The following BPTF variants were observed in gnomAD, a reference collection of about 807,000 sequenced individuals.
The protein encoded by BPTF is bromodomain PHD finger transcription factor.
In BPTF, 18 loss-of-function variants were observed where a neutral mutation model predicts 292.5. The observed-to-expected ratio is 0.06, with a 90% confidence interval of 0.04 to 0.09. The LOEUF (loss-of-function observed/expected upper bound fraction) is 0.09. BPTF is among the 10% of genes least tolerant of loss of function. The pLI is 1.00. For synonymous variants in BPTF, 1,225 were observed against 1,251.9 expected, an observed-to-expected ratio of 0.98 and a Z score of 0.45; for missense variants, 2,726 against 3,498.7, an observed-to-expected ratio of 0.78 and a Z score of 5.57.
intron 13 of BPTF, among the ~76,000 whole-genome samples, chr17:67,920,918 T>C (rs1035872036): frequency 5.9e-5 from 9 of 151,682 alleles, no homozygotes; most frequent in Admixed American, 5.9e-4. Context: ...GTAAGAAATA[T>C]ATAAAAGGCC....
chr17:67,958,671 G>C (rs1046243793), intron 23 of BPTF, among the ~76,000 whole-genome samples: 58 of 151,678 alleles, frequency 3.8e-4, no homozygotes, highest in Admixed American at 1.6e-3. Context: ...GGGGAGGTTG[G>C]AGTGCGCTGA....
intron 1 of BPTF, among the ~76,000 whole-genome samples, chr17:67,834,516 A>G (rs1226387694): frequency 2.0e-5 from 3 of 152,034 alleles, no homozygotes; most frequent in Admixed American, 6.6e-5. Context: ...GTCTGCAGCT[A>G]TTGTGAAGGA....
At chr17:67,828,623 G>T (rs1414562364) in intron 1 of BPTF, among the ~76,000 whole-genome samples, 1 of 152,140 alleles carries the variant, frequency 6.6e-6, no homozygotes, top group Non-Finnish European at 1.5e-5. Context: ...CCACCTCCTG[G>T]GTTCAAGCAA....
In BPTF at chr17:67,853,198, T is replaced by TA. The variant is rs560409291; in HGVS notation, c.614-741dup. On this transcript the variant is annotated intron_variant, in intron 1 of 27. Transcript: ENST00000306378. Reference sequence around the variant, plus strand: ...ATTTATATTGATACATTTATATACTTACATATGTATATCTGGACATCACAT... The same window carrying TA: ...ATTTATATTGATACATTTATATACTTAACATATGTATATCTGGACATCACAT... Among the ~76,000 whole-genome samples the TA allele has an allele frequency of 1.1e-3, 161 of 152,362 alleles. 1 individual carries two copies. Among genetic ancestry groups the TA allele is most frequent in the Middle Eastern group, 6.8e-3 (2 of 294 alleles).
At chr17:67,904,927 A>T in intron 9 of BPTF, 87 bp downstream of exon 9, 2 of 1,152,960 alleles carry the variant, frequency 1.7e-6, no homozygotes, top group Non-Finnish European at 2.4e-6. Context: ...TATTTTAGAT[A>T]AAAACATTTT....
chr17:67,859,029 T>G (rs7208813), intron 2 of BPTF, among the ~76,000 whole-genome samples: 15,115 of 152,064 alleles, frequency 0.099, 2,493 homozygotes, highest in African/African-American at 0.35. Flanking sequence ...AGAGCAACAT[T>G]TATTGAGCAC....
intron 27 of BPTF, among the ~76,000 whole-genome samples, chr17:67,977,012 A>C (rs577064115): frequency 6.6e-6 from 1 of 152,162 alleles, no homozygotes; most frequent in Non-Finnish European, 1.5e-5. Flanking sequence ...AAAACCGACA[A>C]TCTATAAAAC....
intron 8 of BPTF, among the ~76,000 whole-genome samples, 185 bp from the exon 9 acceptor site, chr17:67,904,517 A>G (rs1351801230): frequency 6.6e-6 from 1 of 152,212 alleles, no homozygotes; most frequent in Non-Finnish European, 1.5e-5. Flanking sequence ...TTAATCTTTG[A>G]TTCCCAGTGA....
chr17:67,929,577 G>T (rs2064186457), intron 17 of BPTF, 90 bp downstream of exon 17: 7 of 1,431,924 alleles, frequency 4.9e-6, no homozygotes, highest in South Asian at 2.7e-5. Context: ...ATCCAACTCA[G>T]TTTCCTTTGC....
intron 5 of BPTF, 124 bp downstream of exon 5, chr17:67,892,158 C>CT (rs2061159190): frequency 5.2e-6 from 4 of 773,396 alleles, no homozygotes; most frequent in Non-Finnish European, 7.7e-6. Context: ...TATATTTTCT[C>CT]TGTTTCCGAA....
At chr17:67,955,064 C>T (rs1446228671) in intron 23 of BPTF, among the ~76,000 whole-genome samples, 9 of 150,346 alleles carry the variant, frequency 6.0e-5, no homozygotes, top group Middle Eastern at 3.2e-3. Context: ...CCGAGGCGGG[C>T]GGATCACGAG....
chr17:67,919,392 A>T (rs1258240953), intron 12 of BPTF, among the ~76,000 whole-genome samples: 1 of 151,824 alleles, frequency 6.6e-6, no homozygotes, highest in African/African-American at 2.4e-5. Context: ...ATTTAAAAAG[A>T]AAAAAATCAA....
At chr17:67,885,752 A>G (rs951907156) in intron 4 of BPTF, among the ~76,000 whole-genome samples, 1 of 152,354 alleles carries the variant, frequency 6.6e-6, no homozygotes, top group Non-Finnish European at 1.5e-5. Flanking sequence ...TTTGAATACT[A>G]TCTCAGCAAA....
chr17:67,914,600 C>T (rs1227287284), intron 11 of BPTF, among the ~76,000 whole-genome samples: 2 of 152,204 alleles, frequency 1.3e-5, no homozygotes, highest in Non-Finnish European at 2.9e-5. Flanking sequence ...TTACTATGTA[C>T]AAATACTTTA....
intron 5 of BPTF, among the ~76,000 whole-genome samples, chr17:67,892,736 C>T (rs571991407): frequency 3.6e-4 from 55 of 152,304 alleles, no homozygotes; most frequent in Admixed American, 1.2e-3. Flanking sequence ...CAGCCCAGTA[C>T]ACATATTCAA....
At chr17:67,898,410 G>T (rs898834321) in intron 7 of BPTF, among the ~76,000 whole-genome samples, 5 of 152,148 alleles carry the variant, frequency 3.3e-5, no homozygotes, top group Admixed American at 3.3e-4. Flanking sequence ...CTCATTAGAT[G>T]CCAAGAAGGT....
In BPTF at chr17:67,853,084, C is replaced by T. The variant is rs184319942; in HGVS notation, c.614-856C>T. Among the ~76,000 whole-genome samples, 6 of 152,136 alleles carry T rather than the reference C, an allele frequency of 3.9e-5. No individual in the cohort carries two copies. The East Asian group carries it at 7.7e-4, about 20-fold the overall frequency. The stretch of plus-strand genomic sequence containing the variant: ...TTGAGAGGCGGAGGTCGCAGTGAGC[C>T]GAGGTCACGCCACCATACTCCAGCC... On this transcript the variant is annotated intron_variant, in intron 1 of 27. Coordinates refer to ENST00000306378, the MANE Select transcript of BPTF (RefSeq NM_182641.4).
chr17:67,935,130 G>A (rs1252533425), intron 18 of BPTF, among the ~76,000 whole-genome samples: 4 of 151,936 alleles, frequency 2.6e-5, no homozygotes, highest in South Asian at 2.1e-4. Context: ...AACAAGTTTC[G>A]AAAGAAAACA....
rs2146917785 is a variant in BPTF at position 67,911,287 on chromosome 17, G to A, written c.3403G>A (p.Asp1135Asn). Residue 1135 changes from aspartate (D) to asparagine (N), a missense_variant, in exon 11 of 28, where the codon GAC becomes AAC. By Grantham distance (23) the Asp-to-Asn change is conservative. Coordinates refer to ENST00000306378, the MANE Select transcript of BPTF (RefSeq NM_182641.4). Reference sequence around the variant, plus strand: ...AAATGCAAATAATGATCAACCTGAGGACTTGATTCAGGGATGTTCAGAAAG... The same window carrying A: ...AAATGCAAATAATGATCAACCTGAGAACTTGATTCAGGGATGTTCAGAAAG... ...SPNANNDQPE[D>N]LIQGCSESDS... The A allele has an allele frequency of 1.2e-6, 2 of 1,614,052 alleles. No individual in the cohort carries two copies. The highest frequency in any genetic ancestry group is 1.7e-6 in the Non-Finnish European group (2 of 1,180,010).
Sources: allele counts gnomAD v4.1 joint callset (sites outside exome capture counted in the v4.1 genomes callset), GRCh38; gene constraint gnomAD v4.1.1; transcripts MANE v1.5; gene names NCBI Gene and HGNC (gene_info 2026-07-23, HGNC 2026-07-21).